FLT1: variants seen among roughly 807,000 people sequenced by gnomAD.
FLT1 encodes vascular endothelial growth factor receptor 1.
FLT1 carries 49 observed loss-of-function variants against 156.3 expected under a neutral mutation model. The observed-to-expected ratio is 0.31, with a 90% CI of 0.25 to 0.40. The LOEUF is 0.40. Among genes scored for constraint, FLT1 ranks in the 10% least tolerant of loss-of-function variants. The pLI, the probability that FLT1 is intolerant of heterozygous loss-of-function variation, is 1.00. For missense variants in FLT1, 1,322 were observed against 1,637.2 expected, an observed-to-expected ratio of 0.81 and a Z score of 3.32; for synonymous variants, 594 against 583.8, an observed-to-expected ratio of 1.02 and a Z score of -0.25.
intron 29 of FLT1, among the ~76,000 whole-genome samples, chr13:28,303,946 C>T (rs2138803063): frequency 6.6e-6 from 1 of 152,290 alleles, no homozygotes; most frequent in Non-Finnish European, 1.5e-5. Flanking sequence ...TTATCACCAG[C>T]AAGGCTCAAG....
chr13:28,412,339 T>TTTC (rs1876279602), intron 10 of FLT1, among the ~76,000 whole-genome samples: 1 of 72,440 alleles, frequency 1.4e-5, no homozygotes, highest in South Asian at 5.4e-4. Flanking sequence ...CTTTTCTTTC[T>TTTC]TTCTTTCTTT....
intron 1 of FLT1, among the ~76,000 whole-genome samples, chr13:28,468,647 C>T (rs1178098381): frequency 1.3e-5 from 2 of 152,108 alleles, no homozygotes; most frequent in Non-Finnish European, 2.9e-5. Context: ...TCATGCATGG[C>T]ATGGTGCTGT....
At chr13:28,482,828 G>T (rs907500120) in intron 1 of FLT1, among the ~76,000 whole-genome samples, 2 of 152,202 alleles carry the variant, frequency 1.3e-5, no homozygotes. Context: ...TTAGTTTCCT[G>T]AATTTCCCAT....
Position 28,494,957 on chromosome 13 carries a change from G to C in FLT1, c.-114C>G. 1 of 761,836 alleles carries C rather than the reference G, an allele frequency of 1.3e-6. No homozygotes were observed. The highest frequency in any genetic ancestry group is 1.9e-6 in the Non-Finnish European group (1 of 513,770). 47.2% of individuals were successfully genotyped at this position (761,836 alleles called of 1,614,324 possible). Reference sequence around the variant, plus strand: ...CGCCGGCCCCGCGCCCTGAGCGCCCGTCTCGCGGCTCCAGCCAGGAGACAA... The same window carrying C: ...CGCCGGCCCCGCGCCCTGAGCGCCCCTCTCGCGGCTCCAGCCAGGAGACAA... On this transcript the variant is annotated 5_prime_UTR_variant, in exon 1 of 30. Transcript: ENST00000282397.
intron 14 of FLT1, among the ~76,000 whole-genome samples, chr13:28,376,969 G>A (rs1873865360): frequency 6.6e-6 from 1 of 152,164 alleles, no homozygotes; most frequent in South Asian, 2.1e-4. Flanking sequence ...GAGCTTTGCT[G>A]TCCATGTACC....
In FLT1 at chr13:28,467,566, G is replaced by T; in HGVS notation, c.116C>A (p.Thr39Asn). ...CTGGCCTGCTTGCATGATGTGCTGG[G>T]TGCCTTTTAAACTCAGTTCAGGATC... is the stretch of plus-strand genomic sequence containing the variant. ...LKDPELSLKG[T>N]QHIMQAGQTL... Residue 39 changes from threonine (T) to asparagine (N), a missense_variant, in exon 2 of 30, where the codon ACC (threonine) becomes AAC (asparagine). Coordinates refer to ENST00000282397, the MANE Select transcript of FLT1 (RefSeq NM_002019.4). 1.2e-6 allele frequency: 2 copies of T among 1,611,114 alleles called. No homozygotes were observed. The highest frequency in any genetic ancestry group is 1.7e-6 in the Non-Finnish European group (2 of 1,178,630).
intron 1 of FLT1, among the ~76,000 whole-genome samples, chr13:28,489,103 G>A (rs903623710): frequency 2.0e-5 from 3 of 152,172 alleles, no homozygotes; most frequent in African/African-American, 4.8e-5. Context: ...GGGAGGACAT[G>A]AGACAGTTTC....
chr13:28,334,523 A>G (rs776237707), intron 17 of FLT1, among the ~76,000 whole-genome samples: 28 of 152,206 alleles, frequency 1.8e-4, no homozygotes, highest in Non-Finnish European at 3.8e-4. Context: ...ATTTACAGTC[A>G]TTTTTCTCTC....
chr13:28,445,731 C>G (rs1388518493), intron 3 of FLT1, among the ~76,000 whole-genome samples: 1 of 152,132 alleles, frequency 6.6e-6, no homozygotes, highest in East Asian at 1.9e-4. Context: ...CAAGTCAATT[C>G]TACCAAACAT....
rs866865982 is a variant in FLT1, at chr13:28,467,971, T to C, written c.65-354A>G. 3.3e-5 allele frequency among the ~76,000 whole-genome samples: 5 copies of C among 152,318 alleles called. No homozygotes were observed. In the South Asian group the frequency reaches 1.0e-3, roughly 32 times the overall value. On this transcript the variant is annotated intron_variant, in intron 1 of 29. Transcript: ENST00000282397. Reference sequence around the variant, plus strand: ...AAATATGCAATAACTTAGTAAAAACTCTCAAGAATAAATGTCAGTGTCATC... The same window carrying C: ...AAATATGCAATAACTTAGTAAAAACCCTCAAGAATAAATGTCAGTGTCATC...
In FLT1 at chr13:28,336,442, C is replaced by CT. The variant is rs1872117576; in HGVS notation, c.2489-2314dup. Among the ~76,000 whole-genome samples, 2 of 152,198 alleles carry CT rather than the reference C, an allele frequency of 1.3e-5. 1 individual carries two copies. The highest frequency in any genetic ancestry group is 4.1e-4 in the South Asian group (2 of 4,832). ...CCCTTAAAATTCTCCTCAGTGTTTC[C>CT]TGGAATGCCACTAACTAGCTCGGAA... On this transcript the variant is annotated intron_variant, in intron 17 of 29. Coordinates refer to ENST00000282397, the MANE Select transcript of FLT1 (RefSeq NM_002019.4).
chr13:28,384,937 G>A lies in FLT1; in HGVS notation c.2064C>T (p.Pro688=), dbSNP rs148165829. 6.5e-5 allele frequency: 105 copies of A among 1,614,038 alleles called. No individual in the cohort carries two copies. In the African/African-American group the frequency reaches 8.4e-4, roughly 13 times the overall value. The part of the protein sequence containing the change: ...TTLDCHANGV[P]EPQITWFKNN... ...TTTTAAACCAAGTGATCTGAGGCTC[G>A]GGGACACCATTAGCATGACAGTCTA... Residue 688 remains proline, a synonymous_variant, in exon 14 of 30, where the codon CCC becomes CCT. Transcript: ENST00000282397.
chr13:28,473,829 A>AG (rs1260762886), intron 1 of FLT1, among the ~76,000 whole-genome samples: 36 of 121,676 alleles, frequency 3.0e-4, no homozygotes, highest in Non-Finnish European at 4.2e-4. Context: ...AAAGAAAGAA[A>AG]GAAAGAAAGG....
chr13:28,334,546 C>T (rs1391588110), intron 17 of FLT1, among the ~76,000 whole-genome samples: 1 of 151,980 alleles, frequency 6.6e-6, no homozygotes, highest in Admixed American at 6.5e-5. Context: ...CTGTTTTCAG[C>T]AAAAAGGGAG....
At chr13:28,383,524 G>A (rs776367864) in intron 14 of FLT1, among the ~76,000 whole-genome samples, 10 of 152,084 alleles carry the variant, frequency 6.6e-5, no homozygotes, top group Admixed American at 2.6e-4. Flanking sequence ...TTAGCCAGGC[G>A]TGGTGGCGGG....
At chr13:28,384,774 C>A in intron 14 of FLT1, 111 bp downstream of exon 14, 1 of 1,048,958 alleles carries the variant, frequency 9.5e-7, no homozygotes, top group Non-Finnish European at 1.5e-6. Flanking sequence ...GTTTGGGGCT[C>A]TATCAGCAAG....
At chr13:28,407,906 TC>T (rs1056224164) in intron 10 of FLT1, among the ~76,000 whole-genome samples, 2 of 152,180 alleles carry the variant, frequency 1.3e-5, no homozygotes, top group African/African-American at 2.4e-5. Flanking sequence ...TATCATATTC[TC>T]CATTTTCTAG....
At chr13:28,344,267 C>T (rs181981483) in intron 16 of FLT1, among the ~76,000 whole-genome samples, 57 of 152,252 alleles carry the variant, frequency 3.7e-4, no homozygotes, top group African/African-American at 1.3e-3. Flanking sequence ...CTGTTCTCCA[C>T]GCTGTAGCCC....
At position 28,329,535 on chromosome 13, in the gene FLT1, G is replaced by A. The variant is rs1213486947; in HGVS notation, c.2707+80C>T. Reference sequence around the variant, plus strand: ...GGAGGCGAGGAAGCACAGTGCGGGGGAGAAGGAGCTGTAAGGCAGAGAACT... The same window carrying A: ...GGAGGCGAGGAAGCACAGTGCGGGGAAGAAGGAGCTGTAAGGCAGAGAACT... On this transcript the variant is annotated intron_variant, in intron 19 of 29. Transcript: ENST00000282397. 7.0e-6 allele frequency: 7 copies of A among 1,005,866 alleles called. No individual in the cohort carries two copies. In the South Asian group the frequency reaches 8.0e-5, roughly 11 times the overall value. The allele number at this position is 1,005,866 out of a possible 1,614,324, so 62.3% of individuals were successfully genotyped here.
Sources: allele counts gnomAD v4.1 joint callset (sites outside exome capture counted in the v4.1 genomes callset), GRCh38; gene constraint gnomAD v4.1.1; transcripts MANE v1.5; gene names NCBI Gene and HGNC (gene_info 2026-07-23, HGNC 2026-07-21).